Variants in ZNF839 observed in about 807,000 individuals in gnomAD.
ZNF839 encodes the protein zinc finger protein 839.
ZNF839 carries 38 observed loss-of-function variants against 56.4 expected under a neutral mutation model. The ratio of observed to expected loss-of-function variants is 0.67; its 90% CI spans 0.52 to 0.88. The LOEUF is 0.88. Ranked by LOEUF, ZNF839 falls within the 40% of genes least tolerant of loss-of-function variation. ZNF839 has a pLI of 0.00. For synonymous variants in ZNF839, 486 were observed against 493.5 expected (o/e 0.98, Z 0.20); for missense variants, 1,091 against 1,177.6 (o/e 0.93, Z 1.08).
At chr14:102,327,345 T>C (rs1287389507) in intron 2 of ZNF839, among the ~76,000 whole-genome samples, 1 of 151,892 alleles carries the variant, frequency 6.6e-6, no homozygotes. Flanking sequence ...TTCACCATGT[T>C]GGCCAGGCTG....
rs1886229148 is a variant in ZNF839 at position 102,339,350 on chromosome 14, G to A, written c.1927+127G>A. 37 of 1,274,414 alleles carry A rather than the reference G, an allele frequency of 2.9e-5. 1 individual carries two copies. In the South Asian group the frequency reaches 4.9e-4, roughly 17 times the overall value. 78.9% of individuals were successfully genotyped at this position (1,274,414 alleles called of 1,614,324 possible). ...GTGCTGGATTTAAGGGGACCCTCTG[G>A]TTTCTCAAGTTTCATTCCAGCCTCC... On this transcript the variant is annotated intron_variant, in intron 7 of 7. Coordinates refer to ENST00000442396, the MANE Select transcript of ZNF839 (RefSeq NM_018335.6).
chr14:102,323,841 G>A (rs1210294573), intron 1 of ZNF839, among the ~76,000 whole-genome samples: 2 of 152,160 alleles, frequency 1.3e-5, no homozygotes, highest in East Asian at 3.8e-4. Context: ...TCCATCAATA[G>A]GAGACTGGTG....
In ZNF839 at chr14:102,326,573, G is replaced by C. The variant is rs772322395; in HGVS notation, c.877G>C (p.Asp293His). Residue 293 changes from aspartate to histidine, a missense_variant, in exon 2 of 8, where the codon GAT becomes CAT. Coordinates refer to ENST00000442396, the MANE Select transcript of ZNF839 (RefSeq NM_018335.6). This position sits in a 1 kb window ranked among gnomAD's most constrained non-coding sequence, Gnocchi z 4.3. Reference sequence around the variant, plus strand: ...AGAACTCTGTGTGGAAGAAGATGAAGATCAGAGGGAGAGGCACGCACTCTT... The same window carrying C: ...AGAACTCTGTGTGGAAGAAGATGAACATCAGAGGGAGAGGCACGCACTCTT... ...YSELCVEEDE[D>H]QRERHALFDL... 11 of 1,613,878 alleles carry C rather than the reference G, an allele frequency of 6.8e-6. No homozygotes were observed.
At position 102,332,436 on chromosome 14, in the gene ZNF839, A is replaced by G. The variant is rs1019488574; in HGVS notation, c.1416+590A>G. ...GCATGAGCCACCATGCCCGGCCTTC[A>G]GAACCATTCTTGACTTACAGATGAT... On this transcript the variant is annotated intron_variant, in intron 3 of 7. Coordinates refer to ENST00000442396, the MANE Select transcript of ZNF839 (RefSeq NM_018335.6). The surrounding 1 kb of genome is among the most constrained non-coding windows in gnomAD (Gnocchi z 4.9). Among the ~76,000 whole-genome samples, 1 of 152,052 alleles carries G rather than the reference A, an allele frequency of 6.6e-6. No homozygotes were observed. Among genetic ancestry groups the G allele is most frequent in the Non-Finnish European group, 1.5e-5 (1 of 68,016 alleles).
intron 5 of ZNF839, among the ~76,000 whole-genome samples, chr14:102,338,210 A>G (rs1262711991): frequency 6.6e-6 from 1 of 152,232 alleles, no homozygotes; most frequent in Non-Finnish European, 1.5e-5. Context: ...TAAGCTCGTG[A>G]TAGCATTAAA....
At chr14:102,319,681 C>T (rs1567280538), upstream of ZNF839, 2 of 1,212,588 alleles carry the variant, frequency 1.6e-6, no homozygotes, top group East Asian at 6.6e-5. This position sits in a 1 kb window ranked among gnomAD's most constrained non-coding sequence, Gnocchi z 4.5. Context: ...CTGCGAGGCA[C>T]TCGTAGCCCG....
At chr14:102,319,276 CG>C (rs2072995796), upstream of ZNF839, 2 of 152,424 alleles carry the variant, frequency 1.3e-5, no homozygotes, top group African/African-American at 4.8e-5. This position sits in a 1 kb window ranked among gnomAD's most constrained non-coding sequence, Gnocchi z 4.5. Flanking sequence ...AGAGAAGCTA[CG>C]GTGACAAGGC....
upstream of ZNF839, among the ~76,000 whole-genome samples, chr14:102,318,920 C>G (rs765039005): frequency 1.3e-5 from 2 of 152,208 alleles, no homozygotes; most frequent in Non-Finnish European, 2.9e-5. Flanking sequence ...GGTTCACCCA[C>G]CAGGTGCTTA....
chr14:102,322,704 A>G (rs2073195194), intron 1 of ZNF839, among the ~76,000 whole-genome samples: 1 of 152,154 alleles, frequency 6.6e-6, no homozygotes, highest in Non-Finnish European at 1.5e-5. Flanking sequence ...AGCTGGGGCT[A>G]CATGTATGCA....
chr14:102,324,805 C>T (rs962897537), intron 1 of ZNF839, among the ~76,000 whole-genome samples: 12 of 151,786 alleles, frequency 7.9e-5, no homozygotes, highest in African/African-American at 2.7e-4. Flanking sequence ...AAAAATTAGC[C>T]GGGGCGTGGT....
At chr14:102,324,686 A>C (rs1415964739) in intron 1 of ZNF839, among the ~76,000 whole-genome samples, 1 of 151,962 alleles carries the variant, frequency 6.6e-6, no homozygotes, top group South Asian at 2.1e-4. Flanking sequence ...CCATCTCAAA[A>C]AAACAAACAA....
chr14:102,324,617 T>G (rs1214221793), intron 1 of ZNF839, among the ~76,000 whole-genome samples: 1 of 152,012 alleles, frequency 6.6e-6, no homozygotes, highest in Non-Finnish European at 1.5e-5. Flanking sequence ...AGGAGAATCA[T>G]TTGAACCTGG....
chr14:102,336,264 T>A (rs1885687853), intron 5 of ZNF839, among the ~76,000 whole-genome samples: 1 of 152,178 alleles, frequency 6.6e-6, no homozygotes, highest in Admixed American at 6.5e-5. Context: ...GACCTCATTT[T>A]AGCTTTTTCC....
intron 1 of ZNF839, among the ~76,000 whole-genome samples, chr14:102,325,358 T>A (rs866377760): frequency 2.5e-4 from 36 of 145,780 alleles, no homozygotes; most frequent in African/African-American, 6.6e-4. Context: ...AAAAAAAAAA[T>A]GATGTAGAAT....
chr14:102,327,055 G>A (rs911728287), intron 2 of ZNF839, among the ~76,000 whole-genome samples, 168 bp downstream of exon 2: 2 of 152,146 alleles, frequency 1.3e-5, no homozygotes, highest in African/African-American at 2.4e-5. Context: ...GGGAGGCCTC[G>A]GGAAACAGAG....
chr14:102,326,187 G>A lies in ZNF839; in HGVS notation c.491G>A (p.Cys164Tyr). The A allele has an allele frequency of 2.5e-6, 4 of 1,613,762 alleles. No individual in the cohort carries two copies. Among genetic ancestry groups the A allele is most frequent in the Non-Finnish European group, 2.5e-6 (3 of 1,179,776 alleles). ...CTTGTGAGAACCGAGCCACAGTCCT[G>A]CTTCCTAAGTGACTTATGCCAACCT... is the stretch of plus-strand genomic sequence containing the variant. ...QPLVRTEPQS[C>Y]FLSDLCQPPA... Residue 164 changes from cysteine (C) to tyrosine (Y), a missense_variant, in exon 2 of 8, where the codon TGC (cysteine) becomes TAC (tyrosine). Physicochemically the swap from Cys to Tyr is radical, Grantham distance 194 (BLOSUM62 -2). Transcript: ENST00000442396. This position sits in a 1 kb window ranked among gnomAD's most constrained non-coding sequence, Gnocchi z 4.3.
upstream of ZNF839, chr14:102,319,450 C>A (rs1402666121): frequency 1.7e-5 from 4 of 233,844 alleles, no homozygotes; most frequent in African/African-American, 2.3e-5. This position sits in a 1 kb window ranked among gnomAD's most constrained non-coding sequence, Gnocchi z 4.5. Context: ...ATTGTGGTAA[C>A]TTTTGGGCCA....
At chr14:102,340,133 C>T (rs1261156223) in intron 7 of ZNF839, among the ~76,000 whole-genome samples, 2 of 150,476 alleles carry the variant, frequency 1.3e-5, no homozygotes, top group South Asian at 2.1e-4. Context: ...CCATCATGCC[C>T]GGCTAATTTT....
chr14:102,324,288 TA>T (rs1338659612), intron 1 of ZNF839, among the ~76,000 whole-genome samples: 1 of 152,180 alleles, frequency 6.6e-6, no homozygotes, highest in Non-Finnish European at 1.5e-5. Flanking sequence ...TTCATGCCTG[TA>T]ATCTCAGCAC....
Sources: allele counts gnomAD v4.1 joint callset (sites outside exome capture counted in the v4.1 genomes callset), GRCh38; gene constraint gnomAD v4.1.1; non-coding constraint Gnocchi (gnomAD v3.1); transcripts MANE v1.5; gene names NCBI Gene and HGNC (gene_info 2026-07-23, HGNC 2026-07-21).